KCNA6: variants seen among roughly 807,000 people sequenced by gnomAD.
KCNA6 encodes potassium voltage-gated channel subfamily A member 6.
In KCNA6, 17 loss-of-function variants were observed where a neutral mutation model predicts 29.5. The observed-to-expected ratio is 0.58, with a 90% confidence interval of 0.39 to 0.86. KCNA6 has a LOEUF of 0.86. Ranked by LOEUF, KCNA6 falls within the 40% of genes least tolerant of loss-of-function variation. KCNA6 has a pLI of 0.00. For synonymous variants in KCNA6, 296 were observed against 304.7 expected (o/e 0.97, Z 0.30); for missense variants, 450 against 703.4 (o/e 0.64, Z 4.07).
At chr12:4,822,097 A>C in the KCNA6 span, among the ~76,000 whole-genome samples, 3 of 152,092 alleles carry the variant, frequency 2.0e-5, no homozygotes, top group African/African-American at 7.2e-5. Context: ...GGCCTCCCAA[A>C]GTGTTGGGAT....
downstream of KCNA6, chr12:4,813,482 G>C (rs556476302): frequency 6.0e-6 from 1 of 167,192 alleles, no homozygotes; most frequent in African/African-American, 2.4e-5. Context: ...CCTGAGAATA[G>C]GCCATTATGG....
exon 1 of KCNA6, chr12:4,809,565 G>C (rs1045639608): frequency 6.5e-6 from 1 of 153,946 alleles, no homozygotes; most frequent in African/African-American, 2.4e-5. Flanking sequence ...AGTCTTTGCC[G>C]AGCCGGAGGG....
At chr12:4,816,251 TGTG>T (rs1218376243), downstream of KCNA6, among the ~76,000 whole-genome samples, 3 of 5,354 alleles carry the variant, frequency 5.6e-4, no homozygotes, top group East Asian at 0.5. Context: ...CACGAACTGG[TGTG>T]TGTGTGTGTG....
chr12:4,829,404 A>C, the KCNA6 span, among the ~76,000 whole-genome samples: 8 of 152,326 alleles, frequency 5.3e-5, no homozygotes, highest in Admixed American at 2.0e-4. Flanking sequence ...CAAACTTTTC[A>C]CTGGCATAAC....
chr12:4,837,815 T>C, the KCNA6 span, among the ~76,000 whole-genome samples: 107,303 of 151,296 alleles, frequency 0.71, 38,521 homozygotes, highest in Non-Finnish European at 0.76. Context: ...CTCGTTGCTC[T>C]ACCTGTGGGA....
At chr12:4,812,498 C>T (rs1336644520) in exon 1 of KCNA6, 1 of 167,152 alleles carries the variant, frequency 6.0e-6, no homozygotes, top group Non-Finnish European at 1.5e-5. Flanking sequence ...AAGCAACTGG[C>T]TTGACCACAG....
chr12:4,833,516 G>C, the KCNA6 span, among the ~76,000 whole-genome samples: 3 of 152,188 alleles, frequency 2.0e-5, no homozygotes, highest in African/African-American at 7.2e-5. Flanking sequence ...AATAGACTCT[G>C]CCTCTTCGTG....
rs1195681307 is a variant in KCNA6, at chr12:4,810,261, G to A, written c.220G>A (p.Val74Ile). 6 of 1,613,910 alleles carry A rather than the reference G, an allele frequency of 3.7e-6. No individual in the cohort carries two copies. Among genetic ancestry groups the A allele is most frequent in the East Asian group, 2.2e-5 (1 of 44,884 alleles). ...GCTGCTCGGAGACCCTGGCCGGCGAGTCCGCTTCTTCGACCCCCTGAGGAA... is the reference window on the plus strand; with the variant it reads ...GCTGCTCGGAGACCCTGGCCGGCGAATCCGCTTCTTCGACCCCCTGAGGAA... The change falls in exon 1 of 1, where the codon GTC (valine) becomes ATC (isoleucine). Residue 74 changes from valine to isoleucine, a missense_variant. By Grantham distance (29) the Val-to-Ile change is conservative. Transcript: ENST00000280684. This position sits in a 1 kb window ranked among gnomAD's most constrained non-coding sequence, Gnocchi z 7.5.
At chr12:4,826,265 G>T in the KCNA6 span, among the ~76,000 whole-genome samples, 1 of 152,058 alleles carries the variant, frequency 6.6e-6, no homozygotes, top group Non-Finnish European at 1.5e-5. Flanking sequence ...TGCTGCTGAG[G>T]GCTCTTACCT....
chr12:4,821,628 T>G, the KCNA6 span, among the ~76,000 whole-genome samples: 2 of 152,164 alleles, frequency 1.3e-5, no homozygotes, highest in African/African-American at 4.8e-5. Flanking sequence ...GGACACAACA[T>G]TAAGAAATAC....
the KCNA6 span, among the ~76,000 whole-genome samples, chr12:4,819,737 T>C: frequency 2.0e-5 from 3 of 152,210 alleles, no homozygotes; most frequent in African/African-American, 4.8e-5. Flanking sequence ...GCTGCCCTCA[T>C]GGTTGAGGAT....
chr12:4,845,891 G>A, the KCNA6 span, among the ~76,000 whole-genome samples: 1 of 151,422 alleles, frequency 6.6e-6, no homozygotes, highest in African/African-American at 2.4e-5. Flanking sequence ...GAACTCTTTA[G>A]CTGTTTCTTC....
chr12:4,832,933 G>T, the KCNA6 span, among the ~76,000 whole-genome samples: 4 of 150,702 alleles, frequency 2.7e-5, no homozygotes, highest in Non-Finnish European at 5.9e-5. Context: ...CCTCAGGGGG[G>T]TCAACAACCT....
At chr12:4,809,829 C>T (rs1422634790) in exon 1 of KCNA6, 1 of 518,030 alleles carries the variant, frequency 1.9e-6, no homozygotes, top group Non-Finnish European at 3.3e-6. Flanking sequence ...AGAACCAAAT[C>T]CCCAGCGCCC....
At chr12:4,828,205 T>C in the KCNA6 span, among the ~76,000 whole-genome samples, 1 of 151,748 alleles carries the variant, frequency 6.6e-6, no homozygotes, top group East Asian at 1.9e-4. Context: ...TGTATCTCTA[T>C]AGAGACACTC....
Position 4,811,221 on chromosome 12 carries a change from G to C in KCNA6, c.1180G>C (p.Val394Leu), listed in dbSNP as rs1285186513. 6.2e-7 allele frequency: 1 copy of C among 1,614,086 alleles called. No individual in the cohort carries two copies. Among genetic ancestry groups the C allele is most frequent in the African/African-American group, 1.3e-5 (1 of 74,936 alleles). Residue 394 changes from valine to leucine, a missense_variant, in exon 1 of 1, where the codon GTC becomes CTC. Physicochemically the swap from Val to Leu is conservative, Grantham distance 32. Coordinates refer to ENST00000280684, the Ensembl canonical transcript of KCNA6. This position sits in a 1 kb window ranked among gnomAD's most constrained non-coding sequence, Gnocchi z 7.1. ...CGGGGTCATCCTCTTCTCCAGTGCCGTCTACTTCGCAGAGGCTGACGATGA... is the reference window on the plus strand; with the variant it reads ...CGGGGTCATCCTCTTCTCCAGTGCCCTCTACTTCGCAGAGGCTGACGATGA...
chr12:4,841,214 G>A, the KCNA6 span, among the ~76,000 whole-genome samples: 2 of 152,132 alleles, frequency 1.3e-5, no homozygotes, highest in Non-Finnish European at 2.9e-5. Context: ...TGCGTTAGCT[G>A]ACAGATGAGC....
chr12:4,823,978 A>C, the KCNA6 span, among the ~76,000 whole-genome samples: 2 of 152,288 alleles, frequency 1.3e-5, no homozygotes, highest in East Asian at 3.9e-4. Flanking sequence ...CAATGTAGGC[A>C]GAAGGTGATA....
At chr12:4,819,948 A>G in the KCNA6 span, among the ~76,000 whole-genome samples, 1 of 152,260 alleles carries the variant, frequency 6.6e-6, no homozygotes, top group East Asian at 1.9e-4. Context: ...ATAAACTCTT[A>G]GCAAAGCATG....
Sources: allele counts gnomAD v4.1 joint callset (sites outside exome capture counted in the v4.1 genomes callset), GRCh38; gene constraint gnomAD v4.1.1; non-coding constraint Gnocchi (gnomAD v3.1); transcripts MANE v1.5; gene names NCBI Gene and HGNC (gene_info 2026-07-23, HGNC 2026-07-21).